PCDHA3: variants seen among roughly 807,000 people sequenced by gnomAD.
PCDHA3 encodes protocadherin alpha 3.
PCDHA3 carries 41 observed loss-of-function variants against 62.2 expected under a neutral mutation model. The observed-to-expected ratio is 0.66, with a 90% CI of 0.51 to 0.86. The LOEUF is 0.86. Ranked by LOEUF, PCDHA3 falls within the 40% of genes least tolerant of loss-of-function variation. The probability of loss-of-function intolerance (pLI) is 0.00; values close to 1 mark genes in which losing one functional copy is unlikely to be tolerated. For missense variants in PCDHA3, 1,304 were observed against 1,241.2 expected, an observed-to-expected ratio of 1.05 and a Z score of -0.76; for synonymous variants, 640 against 555.4, an observed-to-expected ratio of 1.15 and a Z score of -2.14.
At chr5:140,864,340 A>ACAT (rs1554158797) in intron 1 of PCDHA3, 2 of 152,232 alleles carry the variant, frequency 1.3e-5, no homozygotes, top group African/African-American at 4.8e-5. Flanking sequence ...TTGAGTTTAA[A>ACAT]ACATGTTTAA....
chr5:140,884,019 C>G, intron 1 of PCDHA3: 1 of 1,613,216 alleles, frequency 6.2e-7, no homozygotes. Flanking sequence ...ATGCCGCGGT[C>G]GGTGGGTGCA....
intron 1 of PCDHA3, among the ~76,000 whole-genome samples, chr5:140,924,232 G>T (rs1554201826): frequency 6.6e-6 from 1 of 152,180 alleles, no homozygotes; most frequent in African/African-American, 2.4e-5. Flanking sequence ...ATTTTTATGG[G>T]CTGTTTTGCA....
In PCDHA3 at chr5:140,877,673, C is replaced by T. The variant is rs1187719075; in HGVS notation, c.2394+74082C>T. The T allele has an allele frequency of 2.5e-5, 40 of 1,613,532 alleles. No individual in the cohort carries two copies. In the East Asian group the frequency reaches 8.0e-4, roughly 32 times the overall value. Reference sequence around the variant, plus strand: ...CCGCCCACCGTGAGCCGGTGCGCGCCGGGCAAGCCCACGCTGGTGTGCTCC... The same window carrying T: ...CCGCCCACCGTGAGCCGGTGCGCGCTGGGCAAGCCCACGCTGGTGTGCTCC... On this transcript the variant is annotated intron_variant, in intron 1 of 3. Transcript: ENST00000522353.
chr5:140,830,117 C>T (rs2150181375), intron 1 of PCDHA3: 1 of 1,613,510 alleles, frequency 6.2e-7, no homozygotes. Context: ...TGGCCAGGCT[C>T]CAAAGGCGTC....
At position 140,856,900 on chromosome 5, in the gene PCDHA3, C is replaced by T. The variant is rs782598308; in HGVS notation, c.2394+53309C>T. On this transcript the variant is annotated intron_variant, in intron 1 of 3. Coordinates refer to ENST00000522353, the MANE Select transcript of PCDHA3 (RefSeq NM_018906.3). ...TGATGTATTCATTTAGCTCTTTGGT[C>T]CCACCCACGATAAGAAGGAAATTTT... The T allele has an allele frequency of 1.0e-5, 16 of 1,596,132 alleles. No homozygotes were observed. In the East Asian group the frequency reaches 2.7e-4, roughly 27 times the overall value.
chr5:140,969,110 C>T (rs1380719565), intron 1 of PCDHA3: 5 of 1,614,064 alleles, frequency 3.1e-6, no homozygotes, highest in Non-Finnish European at 3.4e-6. Flanking sequence ...CATTGAAGTT[C>T]GAGGGAATGG....
intron 1 of PCDHA3, chr5:140,967,272 T>A: frequency 1.2e-6 from 2 of 1,613,412 alleles, no homozygotes; most frequent in Non-Finnish European, 1.7e-6. Context: ...CGCTTTCACA[T>A]AGAGAGTGCG....
chr5:140,813,549 T>C (rs1473558767), intron 1 of PCDHA3: 2 of 152,192 alleles, frequency 1.3e-5, no homozygotes, highest in Non-Finnish European at 2.9e-5. Flanking sequence ...AATAGGGTAC[T>C]TACCCTATGA....
intron 3 of PCDHA3, among the ~76,000 whole-genome samples, chr5:141,007,672 A>G (rs782403242): frequency 6.6e-6 from 1 of 152,194 alleles, no homozygotes; most frequent in African/African-American, 2.4e-5. Context: ...TACAAAGACA[A>G]AAGTTATCCT....
At chr5:140,871,053 G>A in intron 1 of PCDHA3, 1 of 1,613,334 alleles carries the variant, frequency 6.2e-7, no homozygotes, top group East Asian at 2.2e-5. Flanking sequence ...TAGTACTGGT[G>A]AAGGATCACG....
At chr5:140,844,072 C>T (rs1779214774) in intron 1 of PCDHA3, among the ~76,000 whole-genome samples, 1 of 149,460 alleles carries the variant, frequency 6.7e-6, no homozygotes, top group African/African-American at 2.5e-5. Context: ...TTCTTTTGTC[C>T]TTAGGCACTG....
chr5:140,870,054 T>A (rs895309313), intron 1 of PCDHA3: 2 of 1,613,676 alleles, frequency 1.2e-6, no homozygotes, highest in African/African-American at 2.7e-5. Flanking sequence ...TTTATAAAAT[T>A]GAAGTACAGG....
At chr5:140,828,300 A>C in intron 1 of PCDHA3, 1 of 1,614,058 alleles carries the variant, frequency 6.2e-7, no homozygotes, top group Non-Finnish European at 8.5e-7. Context: ...GCCTCCAAAG[A>C]CCGCGAGGAC....
chr5:141,006,507 C>T (rs2098276539), intron 3 of PCDHA3, among the ~76,000 whole-genome samples: 1 of 152,156 alleles, frequency 6.6e-6, no homozygotes, highest in Admixed American at 6.5e-5. Flanking sequence ...GCCACCGCGC[C>T]TGGCTGTTAT....
intron 1 of PCDHA3, chr5:140,870,744 C>T (rs1432638683): frequency 6.2e-7 from 1 of 1,613,474 alleles, no homozygotes; most frequent in Non-Finnish European, 8.5e-7. Context: ...TGAGCAGCAA[C>T]GTGACGCTGC....
rs535981750 is a variant in PCDHA3 at position 140,934,094 on chromosome 5, GCTTT to G, written c.2395-44852_2395-44849del. Among the ~76,000 whole-genome samples, 58 of 151,890 alleles carry G rather than the reference GCTTT, an allele frequency of 3.8e-4. 1 individual carries two copies. The highest frequency in any genetic ancestry group is 6.8e-3 in the Middle Eastern group (2 of 292). ...TTTGGGTTCGCTTTGTTGTATGTTT[GCTTT>G]CTATTTTATTAATTTTCATACTTTA... On this transcript the variant is annotated intron_variant, in intron 1 of 3. Transcript: ENST00000522353.
chr5:140,889,824 C>A (rs1396428338), intron 1 of PCDHA3, among the ~76,000 whole-genome samples: 3 of 152,102 alleles, frequency 2.0e-5, no homozygotes, highest in African/African-American at 4.8e-5. Context: ...CATAAGAAGT[C>A]TTACAGTATG....
intron 1 of PCDHA3, among the ~76,000 whole-genome samples, chr5:140,926,138 T>C (rs2082936633): frequency 6.6e-6 from 1 of 152,004 alleles, no homozygotes; most frequent in African/African-American, 2.4e-5. Flanking sequence ...CGCAGCAGGA[T>C]CCAGCGCGGA....
At position 140,848,413 on chromosome 5, in the gene PCDHA3, G is replaced by A. The variant is rs2150410118; in HGVS notation, c.2394+44822G>A. On this transcript the variant is annotated intron_variant, in intron 1 of 3. Transcript: ENST00000522353. The stretch of plus-strand genomic sequence containing the variant: ...TCTGTGCTGAACGATGGCGAACACA[G>A]CAGAATGGGACTGACGAAATCAGAT... 44 of 1,383,064 alleles carry A rather than the reference G, an allele frequency of 3.2e-5. 5 individuals are homozygous for A. Among genetic ancestry groups the A allele is most frequent in the Non-Finnish European group, 4.2e-5 (42 of 1,005,008 alleles). The allele number at this position is 1,383,064 out of a possible 1,614,324, so 85.7% of individuals were successfully genotyped here.
Sources: gnomAD v4.1 joint callset for allele counts (sites outside exome capture counted in the v4.1 genomes callset) on GRCh38, gnomAD v4.1.1 for gene constraint, MANE v1.5 for transcripts, NCBI Gene and HGNC (gene_info 2026-07-23, HGNC 2026-07-21) for gene names.